GFI1B: variants seen among roughly 807,000 people sequenced by gnomAD.
GFI1B encodes growth factor independent 1B transcriptional repressor.
In GFI1B, 20 loss-of-function variants were observed where a neutral mutation model predicts 35.3. That is an observed-to-expected ratio of 0.57 (90% confidence interval 0.40 to 0.82). The LOEUF is 0.82. Among genes scored for constraint, GFI1B ranks in the 40% least tolerant of loss-of-function variants. The pLI is 0.00. For missense variants in GFI1B, 430 were observed against 446.3 expected, an observed-to-expected ratio of 0.96 and a Z score of 0.33; for synonymous variants, 178 against 177.6, an observed-to-expected ratio of 1.00 and a Z score of -0.02.
intron 1 of GFI1B, among the ~76,000 whole-genome samples, chr9:132,956,464 A>C (rs766299749): frequency 6.6e-6 from 1 of 152,222 alleles, no homozygotes; most frequent in Non-Finnish European, 1.5e-5. Flanking sequence ...CTGCTCAAAA[A>C]ATCCCAGGAA....
chr9:132,959,717 GGGAGCAGCT>G (rs1173572117), intron 1 of GFI1B, among the ~76,000 whole-genome samples: 4 of 152,190 alleles, frequency 2.6e-5, no homozygotes, highest in Non-Finnish European at 5.9e-5. Context: ...AAGGTTCCGA[GGGAGCAGCT>G]GTTCCCTGGC....
chr9:132,985,225 G>C (rs1023869237), intron 1 of GFI1B, among the ~76,000 whole-genome samples: 1 of 152,176 alleles, frequency 6.6e-6, no homozygotes, highest in East Asian at 1.9e-4. Context: ...AACCATTCTG[G>C]GGGCCAGGCA....
At chr9:132,950,975 C>T (rs1848192768) in intron 1 of GFI1B, among the ~76,000 whole-genome samples, 1 of 151,878 alleles carries the variant, frequency 6.6e-6, no homozygotes, top group African/African-American at 2.4e-5. Context: ...GTAGCTGGGA[C>T]CACAGGAGTG....
chr9:132,973,353 C>G (rs1848566540), intron 2 of GFI1B, among the ~76,000 whole-genome samples: 1 of 152,240 alleles, frequency 6.6e-6, no homozygotes, highest in African/African-American at 2.4e-5. Flanking sequence ...GGCCCGTGGC[C>G]CGGCCTCAGC....
intron 1 of GFI1B, among the ~76,000 whole-genome samples, chr9:132,986,352 G>A (rs571019162): frequency 1.6e-4 from 24 of 151,950 alleles, no homozygotes; most frequent in Middle Eastern, 6.8e-3. Flanking sequence ...CTCTGTTGTC[G>A]GCACACGGCG....
rs1849085819 is a variant in GFI1B at position 132,986,811 on chromosome 9, C to T, written c.100+33C>T. On this transcript the variant is annotated intron_variant, in intron 2 of 6. Coordinates refer to ENST00000372122, the MANE Select transcript of GFI1B (RefSeq NM_001377304.1). ...AGAGCCCGGGCTGGCGCCTGCTGCACCCACGGGGGGCTCTCTGCTCTGCGT... is the reference window on the plus strand; with the variant it reads ...AGAGCCCGGGCTGGCGCCTGCTGCATCCACGGGGGGCTCTCTGCTCTGCGT... The T allele has an allele frequency of 3.3e-5, 44 of 1,334,470 alleles. No homozygotes were observed. The East Asian group carries it at 1.0e-3, about 32-fold the overall frequency. The allele number at this position is 1,334,470 out of a possible 1,614,324, so 82.7% of individuals were successfully genotyped here.
At chr9:132,956,661 C>A (rs150486140) in intron 1 of GFI1B, among the ~76,000 whole-genome samples, 4 of 152,178 alleles carry the variant, frequency 2.6e-5, no homozygotes, top group African/African-American at 9.7e-5. Flanking sequence ...GAATTTTGAC[C>A]AAAGAATGCA....
At chr9:132,948,243 C>T (rs1848151497) in intron 1 of GFI1B, among the ~76,000 whole-genome samples, 1 of 151,858 alleles carries the variant, frequency 6.6e-6, no homozygotes, top group African/African-American at 2.4e-5. Context: ...CACTAAACTG[C>T]GATGAGGAAG....
At chr9:132,962,131 T>C (rs1467516471) in intron 1 of GFI1B, among the ~76,000 whole-genome samples, 1 of 111,942 alleles carries the variant, frequency 8.9e-6, no homozygotes, top group African/African-American at 4.0e-5. Flanking sequence ...GAATTGTTTT[T>C]TTTTTCTTTT....
intron 6 of GFI1B, 127 bp from the exon 7 acceptor site, chr9:132,990,744 TG>T (rs1383896633): frequency 1.4e-5 from 11 of 762,404 alleles, no homozygotes; most frequent in African/African-American, 1.4e-4. Flanking sequence ...AAAGTGAATG[TG>T]AGTTGGCCAT....
Position 132,973,001 on chromosome 9 carries a change from C to T in GFI1B, c.-679+255C>T, listed in dbSNP as rs7855836. Among the ~76,000 whole-genome samples, 702 of 152,330 alleles carry T rather than the reference C, an allele frequency of 4.6e-3. 7 individuals are homozygous for T. The highest frequency in any genetic ancestry group is 0.016 in the African/African-American group (651 of 41,570). On this transcript the variant is annotated intron_variant, in intron 2 of 10. Coordinates refer to the GFI1B transcript ENST00000339463. ...CTGCCCACTGCTGTCCACCCTTCAG[C>T]GCACTCGCAGCGGGACAGAGCCAGC...
chr9:132,986,838 A>T, intron 2 of GFI1B, 60 bp downstream of exon 2: 1 of 1,020,558 alleles, frequency 9.8e-7, no homozygotes, highest in Non-Finnish European at 1.5e-6. Context: ...GCTCTGCGTG[A>T]TGAGGGTGCA....
At chr9:132,967,751 CGT>C (rs113316641) in intron 1 of GFI1B, among the ~76,000 whole-genome samples, 4 of 151,434 alleles carry the variant, frequency 2.6e-5, no homozygotes, top group Admixed American at 6.6e-5. Context: ...CATATATACA[CGT>C]GTGTGTGTGT....
Position 132,989,684 on chromosome 9 carries a change from G to A in GFI1B, c.649-58G>A, listed in dbSNP as rs747507422. The A allele has an allele frequency of 5.9e-5, 87 of 1,467,288 alleles. No individual in the cohort carries two copies. Among genetic ancestry groups the A allele is most frequent in the Middle Eastern group, 2.2e-4 (1 of 4,526 alleles). 90.9% of individuals were successfully genotyped at this position (1,467,288 alleles called of 1,614,324 possible). A position where few individuals can be genotyped will look rare whatever the true frequency, so the allele number is the denominator to read the frequency against. ...AGTGTCCTGTTCCGCAGGGGATCCC[G>A]GCCGGGTCCAGTCCTGAGCCTGCAC... On this transcript the variant is annotated intron_variant, in intron 5 of 6. Transcript: ENST00000372122. The surrounding 1 kb of genome is among the most constrained non-coding windows in gnomAD (Gnocchi z 6.2).
rs1164644530 is a variant in GFI1B at position 132,972,379 on chromosome 9, A to ATG, written c.-700-346_-700-345insTG. ...GGATGTTGCAGTGAGCCGAGATTGC[A>ATG]CCACTGCACTCCAGCCTGGGCAACA... On this transcript the variant is annotated intron_variant, in intron 1 of 10. Transcript: ENST00000339463. 7.4e-3 allele frequency among the ~76,000 whole-genome samples: 1,119 copies of ATG among 152,184 alleles called. 14 individuals are homozygous for ATG. The highest frequency in any genetic ancestry group is 0.024 in the African/African-American group (1,003 of 41,510).
chr9:132,980,486 A>G (rs1848786011), intron 1 of GFI1B, among the ~76,000 whole-genome samples: 1 of 152,218 alleles, frequency 6.6e-6, no homozygotes, highest in African/African-American at 2.4e-5. Context: ...AAAGAGTTTC[A>G]TTCACTCACT....
In GFI1B at chr9:132,987,379, G is replaced by A; in HGVS notation, c.198G>A (p.Leu66=). The A allele has an allele frequency of 6.2e-7, 1 of 1,614,254 alleles. No individual in the cohort carries two copies. The highest frequency in any genetic ancestry group is 8.5e-7 in the Non-Finnish European group (1 of 1,180,034). The change falls in exon 3 of 7, where the codon CTG becomes CTA. Residue 66 remains leucine, a synonymous_variant. Transcript: ENST00000372122. ...DWTNLKREPE[L]EQDQNLARMA... is the part of the protein sequence containing the mutation. ...CCAACCTCAAACGAGAGCCGGAGCT[G>A]GAGCAGGACCAGAACTTGGCCAGGA...
intron 1 of GFI1B, among the ~76,000 whole-genome samples, chr9:132,969,362 T>C (rs1410202183): frequency 6.6e-6 from 1 of 152,202 alleles, no homozygotes; most frequent in Non-Finnish European, 1.5e-5. Context: ...TCTAGGTAAC[T>C]CAGGTAAATG....
In GFI1B at chr9:132,988,385, G is replaced by C; in HGVS notation, c.427G>C (p.Val143Leu). ...CGTCAGCCTGTACGGCAGTCCTCTT[G>C]TGCCCAGCACTGAGCCCGCCTTGGA... Reference protein sequence around the residue: ...HSVSLYGSPLVPSTEPALDFS... With the variant: ...HSVSLYGSPLLPSTEPALDFS... The change falls in exon 4 of 7, where the codon GTG (valine) becomes CTG (leucine). Residue 143 changes from valine (V) to leucine (L), a missense_variant. Coordinates refer to ENST00000372122, the MANE Select transcript of GFI1B (RefSeq NM_001377304.1). The C allele has an allele frequency of 6.2e-7, 1 of 1,614,156 alleles. No individual in the cohort carries two copies. Among genetic ancestry groups the C allele is most frequent in the Non-Finnish European group, 8.5e-7 (1 of 1,180,002 alleles).
Sources: allele counts gnomAD v4.1 joint callset (sites outside exome capture counted in the v4.1 genomes callset), GRCh38; gene constraint gnomAD v4.1.1; non-coding constraint Gnocchi (gnomAD v3.1); transcripts MANE v1.5; gene names NCBI Gene and HGNC (gene_info 2026-07-23, HGNC 2026-07-21).